FIGLA: variants seen among roughly 807,000 people sequenced by gnomAD.
The protein encoded by FIGLA is factor in the germline alpha.
In FIGLA, 17 loss-of-function variants were observed where a neutral mutation model predicts 21.5. That is an observed-to-expected ratio of 0.79 (90% CI 0.54 to 1.19). The LOEUF is 1.19. FIGLA is among the 50% of genes most tolerant of loss of function. The pLI, the probability that FIGLA is intolerant of heterozygous loss-of-function variation, is 0.00. For missense variants in FIGLA, 282 were observed against 285.0 expected (o/e 0.99, Z 0.08); for synonymous variants, 129 against 117.6 (o/e 1.10, Z -0.63).
In FIGLA at chr2:70,785,578, G is replaced by C. The variant is rs1553389850; in HGVS notation, c.446C>G (p.Ala149Gly). 2 of 1,613,992 alleles carry C rather than the reference G, an allele frequency of 1.2e-6. No individual in the cohort carries two copies. Among genetic ancestry groups the C allele is most frequent in the Non-Finnish European group, 1.7e-6 (2 of 1,179,882 alleles). ...NNSSESHTSS[A>G]RQLSRNITQH... ...GGTGATGTTTCTTGACAGCTGTCTT[G>C]CCGAGGATGTATGTGATTCAGAACT... Residue 149 changes from alanine (A) to glycine (G), a missense_variant, in exon 3 of 5, where the codon GCA becomes GGA. Ala to Gly is a moderately conservative substitution (Grantham distance 60, BLOSUM62 0). Coordinates refer to ENST00000332372, the MANE Select transcript of FIGLA (RefSeq NM_001004311.3).
At chr2:70,777,569 A>C in intron 4 of FIGLA, 68 bp downstream of exon 4, 1 of 1,565,818 alleles carries the variant, frequency 6.4e-7, no homozygotes, top group Non-Finnish European at 8.7e-7. Context: ...TGATGGAATT[A>C]GCACTCTTAT....
At chr2:70,785,077 G>C (rs552167542) in intron 3 of FIGLA, among the ~76,000 whole-genome samples, 1 of 152,054 alleles carries the variant, frequency 6.6e-6, no homozygotes, top group South Asian at 2.1e-4. Context: ...GATAAACTTA[G>C]GTCTGTATTG....
rs151185536 is a variant in FIGLA, at chr2:70,781,956, G to T, written c.609+3459C>A. Among the ~76,000 whole-genome samples the T allele has an allele frequency of 7.4e-4, 112 of 152,316 alleles. 1 individual carries two copies. Among genetic ancestry groups the T allele is most frequent in the African/African-American group, 2.6e-3 (106 of 41,568 alleles). On this transcript the variant is annotated intron_variant, in intron 3 of 4. Coordinates refer to ENST00000332372, the MANE Select transcript of FIGLA (RefSeq NM_001004311.3). ...GTACCAATGTCAGTTTCCCAGTTTT[G>T]ATATTATACTATAGTTATGGAAGAT...
In FIGLA at chr2:70,780,606, G is replaced by C. The variant is rs577560452; in HGVS notation, c.610-2935C>G. ...AGCTTTTTATACAGTTAATAAAGGTGATATTGAATAATCGCTCAACTCACA... is the reference window on the plus strand; with the variant it reads ...AGCTTTTTATACAGTTAATAAAGGTCATATTGAATAATCGCTCAACTCACA... On this transcript the variant is annotated intron_variant, in intron 3 of 4. Transcript: ENST00000332372. Among the ~76,000 whole-genome samples, 6 of 152,268 alleles carry C rather than the reference G, an allele frequency of 3.9e-5. No homozygotes were observed. The South Asian group carries it at 1.2e-3, about 32-fold the overall frequency.
rs986097399 is a variant in FIGLA at position 70,780,324 on chromosome 2, C to A, written c.610-2653G>T. 2.8e-4 allele frequency among the ~76,000 whole-genome samples: 42 copies of A among 152,168 alleles called. 1 individual carries two copies. The highest frequency in any genetic ancestry group is 7.3e-5 in the Non-Finnish European group (5 of 68,044). ...GGTAGGGAAAAGGGTGCCACTCCTG[C>A]AAACTGAAGCTGGAGAGGGCCTGCC... On this transcript the variant is annotated intron_variant, in intron 3 of 4. Coordinates refer to ENST00000332372, the MANE Select transcript of FIGLA (RefSeq NM_001004311.3).
chr2:70,782,079 T>C (rs1675866169), intron 3 of FIGLA, among the ~76,000 whole-genome samples: 1 of 152,206 alleles, frequency 6.6e-6, no homozygotes, highest in Admixed American at 6.5e-5. Flanking sequence ...AATTACAGAT[T>C]TGATAAATAA....
chr2:70,784,115 A>G (rs2104599481), intron 3 of FIGLA, among the ~76,000 whole-genome samples: 1 of 152,190 alleles, frequency 6.6e-6, no homozygotes, highest in East Asian at 1.9e-4. Context: ...GAATATGAAA[A>G]TCTACACTGA....
chr2:70,789,860 G>C (rs1328909814), intron 1 of FIGLA, among the ~76,000 whole-genome samples: 3 of 152,176 alleles, frequency 2.0e-5, no homozygotes, highest in African/African-American at 7.2e-5. Flanking sequence ...ACTTTATCTT[G>C]ACAGAGTTGA....
chr2:70,777,780 C>T (rs1675787151), intron 3 of FIGLA, 109 bp from the exon 4 acceptor site: 2 of 542,108 alleles, frequency 3.7e-6, no homozygotes, highest in Non-Finnish European at 6.6e-6. Context: ...AAAATTGTCC[C>T]ACCTAATGGG....
chr2:70,786,025 G>A (rs1263970591), intron 2 of FIGLA, among the ~76,000 whole-genome samples: 1 of 152,176 alleles, frequency 6.6e-6, no homozygotes, highest in Admixed American at 6.5e-5. Flanking sequence ...TGCCATCGCA[G>A]AATGTAGCTT....
intron 3 of FIGLA, among the ~76,000 whole-genome samples, chr2:70,782,395 A>G (rs1247991606): frequency 2.6e-5 from 4 of 152,230 alleles, no homozygotes; most frequent in African/African-American, 9.6e-5. Flanking sequence ...CTGGCCTGTA[A>G]TCTCCAAACG....
intron 3 of FIGLA, among the ~76,000 whole-genome samples, chr2:70,785,008 T>C (rs1675920962): frequency 6.6e-6 from 1 of 152,148 alleles, no homozygotes; most frequent in Non-Finnish European, 1.5e-5. Context: ...CTTACTTCTT[T>C]TTCTGGAGAC....
intron 1 of FIGLA, among the ~76,000 whole-genome samples, chr2:70,788,259 C>T (rs1194689325): frequency 1.3e-5 from 2 of 152,098 alleles, no homozygotes; most frequent in African/African-American, 4.8e-5. Flanking sequence ...ATATAATGTA[C>T]AAATAAGATA....
Position 70,785,597 on chromosome 2 carries a change from CA to C in FIGLA, c.426del (p.Glu143AsnfsTer24). ...TGTCTTGCCGAGGATGTATGTGATTCAGAACTGTTGTTACTATAGCTCTGCT... is the reference window on the plus strand; with the variant it reads ...TGTCTTGCCGAGGATGTATGTGATTCGAACTGTTGTTACTATAGCTCTGCT... ...PDEQSYSNNSSESHTSSARQL... is the reference protein window; with the variant it reads ...PDEQSYSNNSXESHTSSARQL... On this transcript the variant is annotated frameshift_variant, in exon 3 of 5. Coordinates refer to ENST00000332372, the MANE Select transcript of FIGLA (RefSeq NM_001004311.3). LOFTEE classifies it high-confidence loss of function. 6.2e-7 allele frequency: 1 copy of C among 1,613,978 alleles called. No individual in the cohort carries two copies. Among genetic ancestry groups the C allele is most frequent in the Middle Eastern group, 1.6e-4 (1 of 6,062 alleles).
chr2:70,789,988 G>GAGAGCAAGA (rs1350348204), intron 1 of FIGLA, among the ~76,000 whole-genome samples: 2 of 152,306 alleles, frequency 1.3e-5, no homozygotes, highest in Admixed American at 6.5e-5. Flanking sequence ...CCGAGATGCA[G>GAGAGCAAGA]AGAGCAAGAA....
intron 3 of FIGLA, among the ~76,000 whole-genome samples, chr2:70,784,197 C>G (rs1031550624): frequency 6.6e-6 from 1 of 152,086 alleles, no homozygotes; most frequent in Admixed American, 6.5e-5. Flanking sequence ...CCCACCACCT[C>G]TCTCCCCACC....
At chr2:70,782,850 C>T (rs782549934) in intron 3 of FIGLA, among the ~76,000 whole-genome samples, 1 of 152,002 alleles carries the variant, frequency 6.6e-6, no homozygotes, top group Non-Finnish European at 1.5e-5. Context: ...GGGCAGATCA[C>T]GAAGTCAGGA....
rs1675784814 is a variant in FIGLA, at chr2:70,777,686, C to T, written c.610-15G>A. 7.6e-7 allele frequency: 1 copy of T among 1,309,670 alleles called. No individual in the cohort carries two copies. The highest frequency in any genetic ancestry group is 2.3e-5 in the East Asian group (1 of 43,064). The allele number at this position is 1,309,670 out of a possible 1,614,324, so 81.1% of individuals were successfully genotyped here. ...GGGAATCTATCCTGCAAAAACAATA[C>T]AAAATACAGAAAGGGCTAAACACAT... On this transcript the variant is annotated splice_polypyrimidine_tract_variant and intron_variant, in intron 3 of 4. Coordinates refer to ENST00000332372, the MANE Select transcript of FIGLA (RefSeq NM_001004311.3).
rs1553389819 is a variant in FIGLA at position 70,785,500 on chromosome 2, G to A, written c.524C>T (p.Ala175Val). The change falls in exon 3 of 5, where the codon GCA becomes GTA. Residue 175 changes from alanine (A) to valine (V), a missense_variant. Coordinates refer to ENST00000332372, the MANE Select transcript of FIGLA (RefSeq NM_001004311.3). ...GLKNEEEGPW[A>V]DGGSGEPAHA... ...TGCTGGCTCACCACTGCCACCATCT[G>A]CCCAAGGCCCTTCCTCTTCATTCTT... is the stretch of plus-strand genomic sequence containing the variant. 1.2e-6 allele frequency: 2 copies of A among 1,613,942 alleles called. No individual in the cohort carries two copies. Among genetic ancestry groups the A allele is most frequent in the African/African-American group, 1.3e-5 (1 of 75,048 alleles).
Sources: gnomAD v4.1 joint callset for allele counts (sites outside exome capture counted in the v4.1 genomes callset) on GRCh38, gnomAD v4.1.1 for gene constraint, MANE v1.5 for transcripts, NCBI Gene and HGNC (gene_info 2026-07-23, HGNC 2026-07-21) for gene names.